Variants in CHD1L observed in about 807,000 individuals in gnomAD.
CHD1L encodes the protein chromodomain helicase DNA binding protein 1 like.
Under a neutral mutation model 115.9 loss-of-function variants are expected in CHD1L, and 118 were observed. The ratio of observed to expected loss-of-function variants is 1.02; its 90% confidence interval spans 0.88 to 1.19. The LOEUF (loss-of-function observed/expected upper bound fraction) is 1.19, where lower values mean the gene tolerates loss of function less well. Ranked by LOEUF, CHD1L falls within the 50% of genes most tolerant of loss-of-function variation. The pLI is 0.00. For missense variants in CHD1L, 1,179 were observed against 1,065.3 expected (o/e 1.11, Z -1.49); for synonymous variants, 411 against 387.1 (o/e 1.06, Z -0.72).
At chr1:147,208,909 T>C in the CHD1L span, 3 of 1,614,166 alleles carry the variant, frequency 1.9e-6, no homozygotes, top group Non-Finnish European at 2.5e-6. Flanking sequence ...TATCTTTTTT[T>C]CCAAATATTT....
intron 19 of CHD1L, among the ~76,000 whole-genome samples, chr1:147,288,329 A>AT: frequency 7.4e-4 from 1 of 1,352 alleles, no homozygotes; most frequent in Admixed American, 8.5e-3. Flanking sequence ...TTTCAATAAA[A>AT]AAAAAAAAAA....
intron 20 of CHD1L, 77 bp from the exon 21 acceptor site, chr1:147,293,531 C>G (rs910565812): frequency 8.2e-7 from 1 of 1,215,054 alleles, no homozygotes; most frequent in African/African-American, 1.5e-5. Context: ...AAGGGCTGTG[C>G]CGCCTCCATG....
Position 147,295,661 on chromosome 1 carries a change from G to C in CHD1L, c.*152G>C, listed in dbSNP as rs1392686376. On this transcript the variant is annotated 3_prime_UTR_variant, in exon 23 of 23. Transcript: ENST00000369258. Reference sequence around the variant, plus strand: ...TCAGTTTGGTTCTCCTGGATGTTTTGCTCTGTTTTGGTACCTGTAATATAG... The same window carrying C: ...TCAGTTTGGTTCTCCTGGATGTTTTCCTCTGTTTTGGTACCTGTAATATAG... The C allele has an allele frequency of 2.9e-5, 18 of 623,214 alleles. No individual in the cohort carries two copies. Among genetic ancestry groups the C allele is most frequent in the South Asian group, 4.4e-5 (2 of 45,226 alleles). 38.6% of individuals were successfully genotyped at this position (623,214 alleles called of 1,614,324 possible).
At chr1:147,194,076 C>T in the CHD1L span, among the ~76,000 whole-genome samples, 1 of 152,064 alleles carries the variant, frequency 6.6e-6, no homozygotes, top group Non-Finnish European at 1.5e-5. Context: ...AACCTTCTGT[C>T]TCGTTGATCT....
chr1:147,274,210 A>G (rs1553955629), intron 12 of CHD1L, among the ~76,000 whole-genome samples: 1 of 152,216 alleles, frequency 6.6e-6, no homozygotes, highest in Non-Finnish European at 1.5e-5. Flanking sequence ...GGAAAATCGT[A>G]GCAACTACTC....
chr1:147,186,224 G>T, the CHD1L span: 1 of 648,880 alleles, frequency 1.5e-6, no homozygotes, highest in Non-Finnish European at 1.9e-6. Context: ...CTCATTGGCA[G>T]ATGGTAGATG....
chr1:147,275,603 T>G lies in CHD1L; in HGVS notation c.1385+135T>G, dbSNP rs1678091670. 4.5e-6 allele frequency: 3 copies of G among 662,246 alleles called. No homozygotes were observed. The South Asian group carries it at 5.4e-5, about 12-fold the overall frequency. The allele number at this position is 662,246 out of a possible 1,614,324, so 41.0% of individuals were successfully genotyped here. On this transcript the variant is annotated intron_variant, in intron 13 of 22. Coordinates refer to ENST00000369258, the MANE Select transcript of CHD1L (RefSeq NM_004284.6). ...ACCAGGTTTTAGCTCATCTGTGCTA[T>G]TGACTCCTAGGGTAGTATTGGGTGG... is the stretch of plus-strand genomic sequence containing the variant.
intron 20 of CHD1L, among the ~76,000 whole-genome samples, chr1:147,292,336 A>C (rs1452572180): frequency 6.6e-6 from 1 of 152,222 alleles, no homozygotes; most frequent in Admixed American, 6.5e-5. Context: ...CTCTGCCCAC[A>C]TCAGAATCCT....
chr1:147,266,281 G>A lies in CHD1L; in HGVS notation c.895+194G>A, dbSNP rs185755307. ...GATAACAGCCTTGGTTGTTGCAGTT[G>A]TGAAATTTCCTTTTCTCCCCTCACT... is the stretch of plus-strand genomic sequence containing the variant. On this transcript the variant is annotated intron_variant, in intron 8 of 22. Coordinates refer to ENST00000369258, the MANE Select transcript of CHD1L (RefSeq NM_004284.6). Among the ~76,000 whole-genome samples, 19 of 152,234 alleles carry A rather than the reference G, an allele frequency of 1.2e-4. No homozygotes were observed. In the East Asian group the frequency reaches 3.3e-3, roughly 26 times the overall value.
intron 14 of CHD1L, among the ~76,000 whole-genome samples, chr1:147,276,463 G>T (rs782197875): frequency 6.6e-5 from 10 of 152,162 alleles, no homozygotes; most frequent in Non-Finnish European, 1.2e-4. Context: ...TTGGCTGTTT[G>T]GGTTTGAGCG....
chr1:147,285,810 C>A (rs1252486645), intron 17 of CHD1L, among the ~76,000 whole-genome samples: 2 of 152,118 alleles, frequency 1.3e-5, no homozygotes, highest in African/African-American at 4.8e-5. Flanking sequence ...GATCTACCCA[C>A]TATAACCTCC....
upstream of CHD1L, among the ~76,000 whole-genome samples, chr1:147,239,017 G>A (rs1553930285): frequency 6.6e-6 from 1 of 152,072 alleles, no homozygotes; most frequent in Non-Finnish European, 1.5e-5. Context: ...ATACTGTGGC[G>A]AGCAATATCC....
the CHD1L span, chr1:147,175,387 A>C: frequency 6.6e-6 from 1 of 152,162 alleles, no homozygotes; most frequent in African/African-American, 2.4e-5. Flanking sequence ...TCCCCACCCA[A>C]ATCTCATCTC....
intron 16 of CHD1L, among the ~76,000 whole-genome samples, chr1:147,284,799 G>T (rs1349763645): frequency 1.3e-5 from 2 of 152,168 alleles, no homozygotes; most frequent in Non-Finnish European, 2.9e-5. Context: ...ATATCCTGCT[G>T]TTGGTAATGA....
the CHD1L span, among the ~76,000 whole-genome samples, chr1:147,205,122 A>G: frequency 6.6e-6 from 1 of 152,242 alleles, no homozygotes; most frequent in Non-Finnish European, 1.5e-5. Context: ...CTTTGTCTTT[A>G]TAATTAGAAT....
chr1:147,220,005 A>C, the CHD1L span, among the ~76,000 whole-genome samples: 11 of 151,864 alleles, frequency 7.2e-5, no homozygotes, highest in Admixed American at 3.3e-4. Context: ...TGCCCAGCTA[A>C]TTTTTTGTAT....
chr1:147,265,871 G>T lies in CHD1L; in HGVS notation c.740-61G>T, dbSNP rs1395054941. The T allele has an allele frequency of 2.7e-6, 4 of 1,474,560 alleles. No homozygotes were observed. In the East Asian group the frequency reaches 7.1e-5, roughly 26 times the overall value. 91.3% of individuals were successfully genotyped at this position (1,474,560 alleles called of 1,614,324 possible). On this transcript the variant is annotated intron_variant, in intron 7 of 22. Coordinates refer to ENST00000369258, the MANE Select transcript of CHD1L (RefSeq NM_004284.6). ...AAAATAAATTTCTTTAAGTTCTCTA[G>T]GGTTCATTGCCTTGGTTCTACTTTT...
rs2275250 is a variant in CHD1L, at chr1:147,275,406, T to C, written c.1323T>C (p.Ser441=). The C allele has an allele frequency of 1.3e-3, 2,073 of 1,614,158 alleles. 30 individuals carry two copies. The East Asian group carries it at 0.028, about 22-fold the overall frequency. Residue 441 remains serine, a synonymous_variant, in exon 13 of 23, where the codon AGT becomes AGC. Coordinates refer to ENST00000369258, the MANE Select transcript of CHD1L (RefSeq NM_004284.6). ...TAADTVIFVD[S]DFNPQNDLQA... ...CAGATACTGTGATTTTTGTTGACAGTGACTTTAATCCTCAGAATGACTTGC... is the reference window on the plus strand; with the variant it reads ...CAGATACTGTGATTTTTGTTGACAGCGACTTTAATCCTCAGAATGACTTGC...
the CHD1L span, among the ~76,000 whole-genome samples, chr1:147,231,233 C>A: frequency 2.0e-5 from 3 of 152,086 alleles, no homozygotes; most frequent in South Asian, 6.2e-4. Context: ...TTTCAAAGAA[C>A]CTCTTTATCT....
Sources: allele counts gnomAD v4.1 joint callset (sites outside exome capture counted in the v4.1 genomes callset), GRCh38; gene constraint gnomAD v4.1.1; transcripts MANE v1.5; gene names NCBI Gene and HGNC (gene_info 2026-07-23, HGNC 2026-07-21).